CDH10: variants seen among roughly 807,000 people sequenced by gnomAD.
The protein encoded by CDH10 is cadherin 10, also known as cadherin-10.
CDH10 carries 30 observed loss-of-function variants against 73.1 expected under a neutral mutation model. The observed-to-expected ratio is 0.41, with a 90% CI of 0.31 to 0.56. CDH10 has a LOEUF of 0.56. Among genes scored for constraint, CDH10 ranks in the 20% least tolerant of loss-of-function variants. The probability of loss-of-function intolerance (pLI) is 0.27; values close to 1 mark genes in which losing one functional copy is unlikely to be tolerated. For missense variants in CDH10, 815 were observed against 973.7 expected (o/e 0.84, Z 2.17); for synonymous variants, 345 against 348.2 (o/e 0.99, Z 0.10).
chr5:24,494,344 G>A (rs185570348), intron 9 of CDH10, among the ~76,000 whole-genome samples: 118 of 151,944 alleles, frequency 7.8e-4, no homozygotes, highest in African/African-American at 2.7e-3. Context: ...TTTCTTGTCT[G>A]TCAAATGTAC....
intron 1 of CDH10, among the ~76,000 whole-genome samples, chr5:24,606,122 A>G (rs1381911961): frequency 6.6e-6 from 1 of 152,186 alleles, no homozygotes; most frequent in Non-Finnish European, 1.5e-5. Flanking sequence ...CTCCATGTTG[A>G]CTACAGTGGT....
intron 2 of CDH10, among the ~76,000 whole-genome samples, chr5:24,543,247 T>C (rs1020471127): frequency 6.6e-6 from 1 of 152,172 alleles, no homozygotes; most frequent in Admixed American, 6.5e-5. Context: ...ATTGATACCA[T>C]TTTAGATATT....
chr5:24,539,640 G>C (rs1166838320), intron 2 of CDH10, among the ~76,000 whole-genome samples: 1 of 151,988 alleles, frequency 6.6e-6, no homozygotes, highest in Non-Finnish European at 1.5e-5. Context: ...AAAGAAGTCA[G>C]GTAACAAATA....
chr5:24,562,888 T>C (rs1026917686), intron 2 of CDH10, among the ~76,000 whole-genome samples: 5 of 152,212 alleles, frequency 3.3e-5, no homozygotes, highest in Non-Finnish European at 5.9e-5. Context: ...ACTTATTTTT[T>C]CCTCAACCAT....
intron 2 of CDH10, among the ~76,000 whole-genome samples, chr5:24,569,512 T>A (rs921905398): frequency 2.6e-5 from 4 of 152,180 alleles, no homozygotes; most frequent in Non-Finnish European, 4.4e-5. Flanking sequence ...TATGTATGCA[T>A]GTGAAAAACT....
intron 1 of CDH10, among the ~76,000 whole-genome samples, chr5:24,620,030 C>A (rs1402769960): frequency 2.0e-5 from 3 of 152,152 alleles, no homozygotes; most frequent in South Asian, 2.1e-4. Context: ...AAAAGAAATA[C>A]CTTGTAGCAG....
intron 5 of CDH10, among the ~76,000 whole-genome samples, chr5:24,517,581 G>GT (rs35873045): frequency 0.47 from 71,834 of 151,794 alleles, 17,141 homozygotes; most frequent in East Asian, 0.58. Context: ...AATCATATTT[G>GT]TTTTTGACAA....
chr5:24,614,698 C>T (rs1346000114), intron 1 of CDH10, among the ~76,000 whole-genome samples: 3 of 152,104 alleles, frequency 2.0e-5, no homozygotes, highest in Non-Finnish European at 4.4e-5. Flanking sequence ...TTAGCGTCCT[C>T]ATGACTGCAA....
At chr5:24,545,818 G>A (rs7703085) in intron 2 of CDH10, among the ~76,000 whole-genome samples, 133,571 of 150,792 alleles carry the variant, frequency 0.89, 59,685 homozygotes, top group Non-Finnish European at 0.96. Context: ...TGTCTTCAAA[G>A]AAAATAAAAA....
chr5:24,592,877 C>T (rs1746246852), intron 2 of CDH10, among the ~76,000 whole-genome samples: 1 of 150,448 alleles, frequency 6.6e-6, no homozygotes, highest in South Asian at 2.1e-4. Context: ...GTTTTTGCTT[C>T]CTCACTGAAC....
At chr5:24,570,246 G>C (rs1301283757) in intron 2 of CDH10, among the ~76,000 whole-genome samples, 1 of 152,088 alleles carries the variant, frequency 6.6e-6, no homozygotes. Flanking sequence ...AAGACAAGAA[G>C]AAACAGTAAG....
intron 1 of CDH10, among the ~76,000 whole-genome samples, chr5:24,639,461 T>G (rs1747973082): frequency 6.6e-6 from 1 of 151,716 alleles, no homozygotes; most frequent in Non-Finnish European, 1.5e-5. Flanking sequence ...ATTCTTGTAT[T>G]TATACATATT....
chr5:24,607,856 T>C (rs1469437237), intron 1 of CDH10, among the ~76,000 whole-genome samples: 1 of 152,172 alleles, frequency 6.6e-6, no homozygotes, highest in Non-Finnish European at 1.5e-5. Context: ...CTAATATAAA[T>C]AGGAGAGATT....
intron 5 of CDH10, among the ~76,000 whole-genome samples, chr5:24,530,141 G>GGT (rs1302665977): frequency 6.9e-6 from 1 of 145,320 alleles, no homozygotes; most frequent in Non-Finnish European, 1.5e-5. Context: ...CTTCTTCTCT[G>GGT]GTGCCTTTTT....
At chr5:24,558,979 G>T (rs1744863751) in intron 2 of CDH10, among the ~76,000 whole-genome samples, 1 of 151,692 alleles carries the variant, frequency 6.6e-6, no homozygotes, top group African/African-American at 2.4e-5. Flanking sequence ...ACAGATTTTA[G>T]AAATCTCATC....
chr5:24,565,344 T>C (rs1166664584), intron 2 of CDH10, among the ~76,000 whole-genome samples: 1 of 152,164 alleles, frequency 6.6e-6, no homozygotes, highest in African/African-American at 2.4e-5. Context: ...AATATAAATT[T>C]CTATGTACTA....
chr5:24,606,969 T>A (rs1746783521), intron 1 of CDH10, among the ~76,000 whole-genome samples: 1 of 152,220 alleles, frequency 6.6e-6, no homozygotes, highest in South Asian at 2.1e-4. Context: ...TAGCTAGTTA[T>A]CAGTTGTCAA....
intron 1 of CDH10, among the ~76,000 whole-genome samples, chr5:24,629,279 ATCTC>A (rs1747622089): frequency 6.6e-6 from 1 of 152,156 alleles, no homozygotes; most frequent in African/African-American, 2.4e-5. Flanking sequence ...ATATAAAAAC[ATCTC>A]AGTATTTTCT....
chr5:24,520,736 G>GT (rs907558657), intron 5 of CDH10, among the ~76,000 whole-genome samples: 16 of 144,266 alleles, frequency 1.1e-4, no homozygotes, highest in African/African-American at 2.3e-4. Flanking sequence ...TTTTTTTGTT[G>GT]TTTTTTTTGA....
Sources: allele counts gnomAD v4.1 joint callset (sites outside exome capture counted in the v4.1 genomes callset), GRCh38; gene constraint gnomAD v4.1.1; transcripts MANE v1.5; gene names NCBI Gene and HGNC (gene_info 2026-07-23, HGNC 2026-07-21).